The following STPG2 variants were observed in gnomAD, a reference collection of about 807,000 sequenced individuals.
STPG2 encodes sperm tail PG-rich repeat containing 2, also known as sperm-tail PG-rich repeat-containing protein 2.
A neutral mutation model predicts 54.2 loss-of-function variants in STPG2; 56 were observed. The observed-to-expected ratio is 1.03, with a 90% CI of 0.83 to 1.29. The LOEUF (loss-of-function observed/expected upper bound fraction) is 1.29. STPG2 is among the 50% of genes most tolerant of loss of function. The pLI, the probability that STPG2 is intolerant of heterozygous loss-of-function variation, is 0.00. For missense variants in STPG2, 596 were observed against 544.9 expected (o/e 1.09, Z -0.93); for synonymous variants, 200 against 181.8 (o/e 1.10, Z -0.81).
At chr4:98,048,037 A>C (rs1737193514) in intron 5 of STPG2, among the ~76,000 whole-genome samples, 1 of 152,202 alleles carries the variant, frequency 6.6e-6, no homozygotes, top group South Asian at 2.1e-4. Flanking sequence ...AAGAACTCTA[A>C]AACTATACAA....
chr4:97,798,297 C>G (rs1204111627), intron 9 of STPG2, among the ~76,000 whole-genome samples: 7 of 152,042 alleles, frequency 4.6e-5, no homozygotes, highest in East Asian at 1.9e-4. Context: ...TTAGATCTTT[C>G]CTACTTTCTC....
At chr4:97,998,898 A>G (rs1020955693) in intron 5 of STPG2, among the ~76,000 whole-genome samples, 3 of 152,178 alleles carry the variant, frequency 2.0e-5, no homozygotes, top group Non-Finnish European at 4.4e-5. Flanking sequence ...GACAGAAAGC[A>G]TGTCCTGTTA....
intron 9 of STPG2, among the ~76,000 whole-genome samples, chr4:97,805,555 T>C (rs1465720627): frequency 6.6e-6 from 1 of 152,140 alleles, no homozygotes; most frequent in African/African-American, 2.4e-5. Context: ...TGTTGGCCAA[T>C]TGTATGTCTT....
intron 8 of STPG2, among the ~76,000 whole-genome samples, chr4:97,932,093 C>T (rs982998242): frequency 6.6e-6 from 1 of 152,066 alleles, no homozygotes; most frequent in Non-Finnish European, 1.5e-5. Flanking sequence ...GTAACATTCC[C>T]TTTGTCATTT....
intron 4 of STPG2, among the ~76,000 whole-genome samples, chr4:97,540,315 T>C (rs1179051931): frequency 6.6e-6 from 1 of 152,076 alleles, no homozygotes; most frequent in Non-Finnish European, 1.5e-5. Flanking sequence ...CCCACAGACA[T>C]ACAAACTACC....
chr4:97,897,329 C>T (rs1730995011), intron 8 of STPG2, among the ~76,000 whole-genome samples: 1 of 152,000 alleles, frequency 6.6e-6, no homozygotes. Flanking sequence ...AGGATGATTC[C>T]ATGTCTTTGC....
chr4:97,662,927 T>G (rs1722417235), intron 10 of STPG2, among the ~76,000 whole-genome samples: 1 of 152,126 alleles, frequency 6.6e-6, no homozygotes, highest in Non-Finnish European at 1.5e-5. Context: ...GTACCCCGAA[T>G]ATAAAAGTTG....
intron 1 of STPG2, among the ~76,000 whole-genome samples, chr4:98,136,068 T>C (rs1029002555): frequency 1.3e-5 from 2 of 151,610 alleles, no homozygotes; most frequent in African/African-American, 4.8e-5. Flanking sequence ...GAATACTATA[T>C]ATAATCTATT....
At chr4:98,021,578 C>G (rs1418848930) in intron 5 of STPG2, among the ~76,000 whole-genome samples, 49 of 152,100 alleles carry the variant, frequency 3.2e-4, no homozygotes, top group Non-Finnish European at 1.5e-5. Flanking sequence ...TCCTTGTTAA[C>G]TTTCTGTCTC....
intron 3 of STPG2, among the ~76,000 whole-genome samples, chr4:98,127,934 T>A: frequency 6.6e-6 from 1 of 152,182 alleles, no homozygotes; most frequent in East Asian, 1.9e-4. Context: ...AAAAATAATA[T>A]CTATGTATTA....
intron 1 of STPG2, among the ~76,000 whole-genome samples, chr4:98,140,410 A>G (rs978106619): frequency 6.6e-6 from 1 of 152,168 alleles, no homozygotes; most frequent in Non-Finnish European, 1.5e-5. Flanking sequence ...CACAAGATAG[A>G]AGATGGATTG....
intron 8 of STPG2, among the ~76,000 whole-genome samples, chr4:97,918,586 C>T (rs761510282): frequency 3.0e-4 from 45 of 151,400 alleles, no homozygotes; most frequent in African/African-American, 8.5e-4. Context: ...TATATGTATA[C>T]ACATATATAT....
At chr4:98,142,122 G>A (rs562735460) in intron 1 of STPG2, among the ~76,000 whole-genome samples, 5 of 152,176 alleles carry the variant, frequency 3.3e-5, no homozygotes, top group Non-Finnish European at 7.4e-5. Flanking sequence ...AATAAAGATA[G>A]AATAAGCTGC....
chr4:97,819,766 T>G (rs1560540606), intron 9 of STPG2, among the ~76,000 whole-genome samples: 1 of 152,094 alleles, frequency 6.6e-6, no homozygotes, highest in East Asian at 1.9e-4. Context: ...TTAATTTTAT[T>G]GTTAAAACAT....
chr4:97,579,734 G>T (rs1732816831), intron 10 of STPG2, among the ~76,000 whole-genome samples: 1 of 151,960 alleles, frequency 6.6e-6, no homozygotes, highest in Non-Finnish European at 1.5e-5. Context: ...TTAAGTTCAT[G>T]CTCTGGTCTC....
At chr4:97,522,656 G>C (rs1317826044) in intron 4 of STPG2, among the ~76,000 whole-genome samples, 1 of 151,864 alleles carries the variant, frequency 6.6e-6, no homozygotes, top group Admixed American at 6.6e-5. Flanking sequence ...GTGCATCTTT[G>C]TCTAATCTTA....
chr4:97,922,777 G>A (rs1732156705), intron 8 of STPG2, among the ~76,000 whole-genome samples: 1 of 152,156 alleles, frequency 6.6e-6, no homozygotes, highest in East Asian at 1.9e-4. Context: ...CTACATTCTG[G>A]AAGCAGCAGT....
intron 8 of STPG2, among the ~76,000 whole-genome samples, chr4:97,884,871 C>A (rs376811855): frequency 1.3e-5 from 2 of 152,010 alleles, no homozygotes; most frequent in East Asian, 1.9e-4. Flanking sequence ...CTACCTTTTC[C>A]TTCTCACGGT....
chr4:97,873,257 T>C (rs1301222171), intron 8 of STPG2, among the ~76,000 whole-genome samples: 2 of 150,846 alleles, frequency 1.3e-5, no homozygotes, highest in Admixed American at 6.6e-5. Context: ...CATTTATAAC[T>C]CCTTTCTCTA....
Sources: gnomAD v4.1 joint callset for allele counts (sites outside exome capture counted in the v4.1 genomes callset) on GRCh38, gnomAD v4.1.1 for gene constraint, MANE v1.5 for transcripts, NCBI Gene and HGNC (gene_info 2026-07-23, HGNC 2026-07-21) for gene names.